PHACTR1: variants seen among roughly 807,000 people sequenced by gnomAD.
The protein encoded by PHACTR1 is phosphatase and actin regulator 1.
In PHACTR1, 16 loss-of-function variants were observed where a neutral mutation model predicts 69.2. The ratio of observed to expected loss-of-function variants is 0.23; its 90% confidence interval spans 0.16 to 0.35. The LOEUF is 0.35. Among genes scored for constraint, PHACTR1 ranks in the 10% least tolerant of loss-of-function variants. The pLI is 1.00. For missense variants in PHACTR1, 510 were observed against 734.7 expected, an observed-to-expected ratio of 0.69 and a Z score of 3.54; for synonymous variants, 312 against 284.5, an observed-to-expected ratio of 1.10 and a Z score of -0.97.
chr6:13,176,381 T>G (rs1001197486), intron 6 of PHACTR1, among the ~76,000 whole-genome samples: 1 of 152,202 alleles, frequency 6.6e-6, no homozygotes, highest in South Asian at 2.1e-4. Context: ...TGCATCCACG[T>G]CACTCACATG....
At chr6:12,872,952 C>T (rs964799198) in intron 4 of PHACTR1, among the ~76,000 whole-genome samples, 1 of 150,410 alleles carries the variant, frequency 6.6e-6, no homozygotes, top group South Asian at 2.1e-4. Flanking sequence ...CTTTCTCGTT[C>T]TCCTTCCTTC....
intron 4 of PHACTR1, among the ~76,000 whole-genome samples, chr6:12,797,288 T>A (rs1773146872): frequency 6.6e-6 from 1 of 152,040 alleles, no homozygotes; most frequent in Non-Finnish European, 1.5e-5. Flanking sequence ...ATAACAAAGA[T>A]CAACAACCAA....
chr6:13,183,501 G>C (rs1762447900), intron 7 of PHACTR1, among the ~76,000 whole-genome samples: 2 of 152,202 alleles, frequency 1.3e-5, no homozygotes, highest in Non-Finnish European at 2.9e-5. Context: ...ATGGGACCCG[G>C]TGAGTCATTG....
chr6:12,850,062 C>T (rs12215208), intron 4 of PHACTR1, among the ~76,000 whole-genome samples: 52,304 of 152,054 alleles, frequency 0.34, 11,114 homozygotes, highest in South Asian at 0.47. Flanking sequence ...TATGTCCTTT[C>T]TCCTGCCATG....
At chr6:12,953,366 T>G (rs959973934) in intron 4 of PHACTR1, among the ~76,000 whole-genome samples, 1 of 152,068 alleles carries the variant, frequency 6.6e-6, no homozygotes, top group Admixed American at 6.6e-5. Flanking sequence ...GCTACAATAT[T>G]CTCATTCTAC....
At chr6:12,779,066 T>C (rs557685596) in intron 4 of PHACTR1, among the ~76,000 whole-genome samples, 2 of 152,330 alleles carry the variant, frequency 1.3e-5, no homozygotes, top group South Asian at 4.1e-4. Flanking sequence ...CCGGGCACGG[T>C]GGCTCATGCC....
chr6:12,909,369 T>C (rs2127493464), intron 4 of PHACTR1, among the ~76,000 whole-genome samples: 1 of 152,360 alleles, frequency 6.6e-6, no homozygotes, highest in African/African-American at 2.4e-5. Flanking sequence ...TAATTCACAG[T>C]TCCAGGCTAT....
At chr6:12,997,398 A>C (rs1428934846) in intron 4 of PHACTR1, among the ~76,000 whole-genome samples, 2 of 148,342 alleles carry the variant, frequency 1.3e-5, no homozygotes, top group Non-Finnish European at 3.0e-5. Flanking sequence ...TATATTGTAT[A>C]TATTTATATA....
At chr6:12,888,584 A>G (rs1000660077) in intron 4 of PHACTR1, among the ~76,000 whole-genome samples, 8 of 152,208 alleles carry the variant, frequency 5.3e-5, no homozygotes, top group African/African-American at 1.9e-4. Context: ...TTAAATGCCC[A>G]TTAATGGAAC....
At chr6:12,914,188 C>T (rs369231423) in intron 4 of PHACTR1, among the ~76,000 whole-genome samples, 2 of 151,990 alleles carry the variant, frequency 1.3e-5, no homozygotes, top group Non-Finnish European at 2.9e-5. Context: ...GTAGTAGAGA[C>T]GGGGTTTCAC....
rs148586077 is a variant in PHACTR1 at position 13,042,032 on chromosome 6, A to G, written c.251-11333A>G. Among the ~76,000 whole-genome samples, 375 of 152,342 alleles carry G rather than the reference A, an allele frequency of 2.5e-3. 2 individuals carry two copies. Among genetic ancestry groups the G allele is most frequent in the African/African-American group, 8.4e-3 (351 of 41,566 alleles). ...TCCCACAAAAAAACACTATCCAACC[A>G]TATTTGTGATTAAATTAAGTTTGGA... On this transcript the variant is annotated intron_variant, in intron 4 of 14. Coordinates refer to ENST00000332995, the MANE Select transcript of PHACTR1 (RefSeq NM_030948.6).
At chr6:12,983,864 A>G (rs1472940242) in intron 4 of PHACTR1, among the ~76,000 whole-genome samples, 1 of 152,170 alleles carries the variant, frequency 6.6e-6, no homozygotes, top group African/African-American at 2.4e-5. Context: ...TGCCCCTACA[A>G]AGGACATGAA....
Position 12,950,432 on chromosome 6 carries a change from T to C in PHACTR1, c.251-102933T>C, listed in dbSNP as rs545714175. ...CTACTCAGATTCAGAGAGAGAGGAATTAGATTCCACCACTTGATGGTGGAG... is the reference window on the plus strand; with the variant it reads ...CTACTCAGATTCAGAGAGAGAGGAACTAGATTCCACCACTTGATGGTGGAG... On this transcript the variant is annotated intron_variant, in intron 4 of 14. Coordinates refer to ENST00000332995, the MANE Select transcript of PHACTR1 (RefSeq NM_030948.6). Among the ~76,000 whole-genome samples, 9 of 152,322 alleles carry C rather than the reference T, an allele frequency of 5.9e-5. No individual in the cohort carries two copies. In the South Asian group the frequency reaches 1.9e-3, roughly 32 times the overall value.
At chr6:12,729,354 T>A (rs887488829) in intron 3 of PHACTR1, among the ~76,000 whole-genome samples, 1 of 152,210 alleles carries the variant, frequency 6.6e-6, no homozygotes, top group Non-Finnish European at 1.5e-5. Context: ...TTATCATCGA[T>A]GCAGCTTTGT....
At chr6:12,959,350 G>A (rs978378988) in intron 4 of PHACTR1, among the ~76,000 whole-genome samples, 1 of 152,036 alleles carries the variant, frequency 6.6e-6, no homozygotes, top group Non-Finnish European at 1.5e-5. Context: ...GAAGCAAAAA[G>A]ACTGTGGATC....
At chr6:13,240,331 T>A (rs1772643027) in intron 10 of PHACTR1, among the ~76,000 whole-genome samples, 1 of 152,206 alleles carries the variant, frequency 6.6e-6, no homozygotes. Flanking sequence ...CTCAGGTGAT[T>A]TTCCCCTAAT....
intron 5 of PHACTR1, among the ~76,000 whole-genome samples, chr6:13,097,191 A>T (rs1400929039): frequency 2.0e-5 from 3 of 152,198 alleles, no homozygotes; most frequent in Non-Finnish European, 4.4e-5. Flanking sequence ...TGGCATTCTA[A>T]CTAAGGAATA....
At chr6:13,171,364 A>G (rs1305960263) in intron 6 of PHACTR1, among the ~76,000 whole-genome samples, 2 of 152,092 alleles carry the variant, frequency 1.3e-5, no homozygotes, top group Non-Finnish European at 2.9e-5. Context: ...ATAGGACTAC[A>G]GTACACTGAG....
At chr6:12,761,726 C>A (rs180673337) in intron 4 of PHACTR1, among the ~76,000 whole-genome samples, 1 of 152,182 alleles carries the variant, frequency 6.6e-6, no homozygotes, top group African/African-American at 2.4e-5. Flanking sequence ...TCACCTCTCC[C>A]TTTTTCTTCA....
Sources: allele counts gnomAD v4.1 joint callset (sites outside exome capture counted in the v4.1 genomes callset), GRCh38; gene constraint gnomAD v4.1.1; transcripts MANE v1.5; gene names NCBI Gene and HGNC (gene_info 2026-07-23, HGNC 2026-07-21).